The following TEX101 variants were observed in gnomAD, a reference collection of about 807,000 sequenced individuals.
The protein encoded by TEX101 is testis expressed 101.
TEX101 carries 10 observed loss-of-function variants against 18.1 expected under a neutral mutation model. The ratio of observed to expected loss-of-function variants is 0.55; its 90% CI spans 0.34 to 0.94. The LOEUF (loss-of-function observed/expected upper bound fraction) is 0.94. Ranked by LOEUF, TEX101 falls within the 40% of genes least tolerant of loss-of-function variation. TEX101 has a pLI of 0.02. For synonymous variants in TEX101, 94 were observed against 114.8 expected (o/e 0.82, Z 1.16); for missense variants, 259 against 298.9 (o/e 0.87, Z 0.98).
chr19:43,415,018 C>T lies in TEX101; in HGVS notation c.-60C>T. ...TTAAAGAGAAAAAGAAGGCTAGGGA[C>T]TCAGATTCCTGGATTCTGAGGAAAG... On this transcript the variant is annotated 5_prime_UTR_variant, in exon 1 of 6. Transcript: ENST00000598265. 1 of 985,378 alleles carries T rather than the reference C, an allele frequency of 1.0e-6. No individual in the cohort carries two copies. The highest frequency in any genetic ancestry group is 4.7e-5 in the South Asian group (1 of 21,284). 61.0% of individuals were successfully genotyped at this position (985,378 alleles called of 1,614,324 possible).
chr19:43,417,645 C>T (rs1191392698), intron 4 of TEX101, among the ~76,000 whole-genome samples: 3 of 152,234 alleles, frequency 2.0e-5, no homozygotes, highest in Non-Finnish European at 2.9e-5. Flanking sequence ...TGCCAGGTGA[C>T]AGGAACTATG....
At chr19:43,407,512 A>G (rs755491049) in intron 3 of TEX101, among the ~76,000 whole-genome samples, 51 of 152,040 alleles carry the variant, frequency 3.4e-4, no homozygotes, top group Non-Finnish European at 5.9e-4. Context: ...GAAAGAAGAA[A>G]AGGAAAGAAA....
upstream of TEX101, among the ~76,000 whole-genome samples, chr19:43,397,887 A>G (rs1165455921): frequency 4.2e-5 from 2 of 48,060 alleles, no homozygotes; most frequent in Admixed American, 6.9e-4. Flanking sequence ...AATATATATT[A>G]TATATAAATA....
chr19:43,399,008 G>A (rs1012601542), upstream of TEX101, among the ~76,000 whole-genome samples: 2 of 152,100 alleles, frequency 1.3e-5, no homozygotes, highest in Admixed American at 6.5e-5. Context: ...AAGCCAATTC[G>A]ATATTTTACT....
upstream of TEX101, among the ~76,000 whole-genome samples, chr19:43,413,467 A>G (rs986729388): frequency 2.7e-5 from 4 of 145,774 alleles, no homozygotes; most frequent in African/African-American, 7.7e-5. Context: ...GCACCACTGC[A>G]CTCCAGCCTG....
intron 3 of TEX101, 48 bp downstream of exon 3, chr19:43,416,290 T>C: frequency 1.3e-6 from 2 of 1,587,438 alleles, no homozygotes; most frequent in Non-Finnish European, 1.7e-6. Flanking sequence ...AGGTTGATTA[T>C]CTCCATGCCA....
intron 3 of TEX101, chr19:43,406,626 C>G (rs1020799574): frequency 1.7e-6 from 1 of 588,786 alleles, no homozygotes; most frequent in Non-Finnish European, 3.1e-6. Context: ...TGGCTTCTGG[C>G]GCCAAGCCTT....
upstream of TEX101, among the ~76,000 whole-genome samples, chr19:43,411,478 T>G (rs957816418): frequency 1.3e-5 from 2 of 152,228 alleles, no homozygotes; most frequent in African/African-American, 4.8e-5. Context: ...CAGGGCGTAC[T>G]GCAATAATCC....
upstream of TEX101, among the ~76,000 whole-genome samples, chr19:43,397,079 A>G (rs1390359307): frequency 6.6e-6 from 1 of 151,790 alleles, no homozygotes; most frequent in Non-Finnish European, 1.5e-5. Flanking sequence ...CTCGTGATCC[A>G]CCCATCTCAG....
the TEX101 span, among the ~76,000 whole-genome samples, chr19:43,389,645 G>A: frequency 6.6e-6 from 1 of 152,156 alleles, no homozygotes. Flanking sequence ...TCTTGCTGGA[G>A]TGAGCTGGGC....
At chr19:43,395,392 C>G in the TEX101 span, among the ~76,000 whole-genome samples, 1 of 152,242 alleles carries the variant, frequency 6.6e-6, no homozygotes, top group East Asian at 1.9e-4. Context: ...TGATCCCTTT[C>G]AGGCCACTGA....
intron 3 of TEX101, chr19:43,406,551 T>C: frequency 1.5e-6 from 1 of 677,128 alleles, no homozygotes; most frequent in Non-Finnish European, 2.7e-6. Context: ...TGGGTGAAAT[T>C]CCATTATTAA....
At chr19:43,417,762 A>G (rs1345407480) in intron 4 of TEX101, 116 bp from the exon 5 acceptor site, 3 of 1,336,948 alleles carry the variant, frequency 2.2e-6, no homozygotes, top group African/African-American at 1.5e-5. Flanking sequence ...AGGCTGAAGT[A>G]ATGGGCCTTG....
upstream of TEX101, among the ~76,000 whole-genome samples, chr19:43,400,325 A>G (rs1970308339): frequency 6.6e-6 from 1 of 152,212 alleles, no homozygotes; most frequent in South Asian, 2.1e-4. Flanking sequence ...TACTGTTAGC[A>G]GATACAGCTA....
chr19:43,397,418 A>G (rs1387428502), upstream of TEX101, among the ~76,000 whole-genome samples: 1 of 151,594 alleles, frequency 6.6e-6, no homozygotes, highest in African/African-American at 2.4e-5. Flanking sequence ...ACCATCCATG[A>G]CCTCTGATGC....
intron 2 of TEX101, among the ~76,000 whole-genome samples, chr19:43,404,971 G>A (rs1242957445): frequency 6.6e-6 from 1 of 151,974 alleles, no homozygotes; most frequent in African/African-American, 2.4e-5. Flanking sequence ...GGTATGGGAC[G>A]CAAAAAGTAA....
At chr19:43,405,662 C>T (rs1267315554) in intron 2 of TEX101, among the ~76,000 whole-genome samples, 1 of 151,760 alleles carries the variant, frequency 6.6e-6, no homozygotes, top group Non-Finnish European at 1.5e-5. Flanking sequence ...CGGTGACTCA[C>T]GCCTGTAATC....
At chr19:43,408,442 C>T (rs1970390165) in intron 3 of TEX101, among the ~76,000 whole-genome samples, 1 of 152,088 alleles carries the variant, frequency 6.6e-6, no homozygotes, top group Non-Finnish European at 1.5e-5. Flanking sequence ...GGCCGGTAGG[C>T]GGGGAGGAGA....
the TEX101 span, among the ~76,000 whole-genome samples, chr19:43,390,882 T>G: frequency 0.043 from 6,591 of 151,520 alleles, 436 homozygotes; most frequent in African/African-American, 0.14. Context: ...CTGGAATTCT[T>G]TACCAATTAA....
Sources: gnomAD v4.1 joint callset for allele counts (sites outside exome capture counted in the v4.1 genomes callset) on GRCh38, gnomAD v4.1.1 for gene constraint, MANE v1.5 for transcripts, NCBI Gene and HGNC (gene_info 2026-07-23, HGNC 2026-07-21) for gene names.